The following LRP1B variants were observed in gnomAD, a reference collection of about 807,000 sequenced individuals.
LRP1B encodes low-density lipoprotein receptor-related protein 1B.
In LRP1B, 217 loss-of-function variants were observed where a neutral mutation model predicts 556.6. The ratio of observed to expected loss-of-function variants is 0.39; its 90% CI spans 0.35 to 0.44. The LOEUF (loss-of-function observed/expected upper bound fraction) is 0.44, where lower values mean the gene tolerates loss of function less well. Among genes scored for constraint, LRP1B ranks in the 20% least tolerant of loss-of-function variants. The pLI is 1.00. For synonymous variants in LRP1B, 2,047 were observed against 1,865.8 expected, an observed-to-expected ratio of 1.10 and a Z score of -2.50; for missense variants, 5,053 against 5,620.8, an observed-to-expected ratio of 0.90 and a Z score of 3.23.
chr2:141,976,355 C>A (rs924424774), intron 1 of LRP1B, among the ~76,000 whole-genome samples: 2 of 152,074 alleles, frequency 1.3e-5, no homozygotes, highest in Non-Finnish European at 2.9e-5. Flanking sequence ...TTCTTTATTG[C>A]AGTTTTGCTT....
At chr2:140,237,156 C>T (rs1680745719) in intron 89 of LRP1B, among the ~76,000 whole-genome samples, 1 of 150,876 alleles carries the variant, frequency 6.6e-6, no homozygotes, top group Non-Finnish European at 1.5e-5. Flanking sequence ...CATTGAACAA[C>T]ACCTATTTTC....
At chr2:141,995,070 T>C (rs1378876560) in intron 1 of LRP1B, among the ~76,000 whole-genome samples, 2 of 152,246 alleles carry the variant, frequency 1.3e-5, no homozygotes, top group African/African-American at 4.8e-5. Context: ...GGGAGGAACA[T>C]AATGAAAATA....
intron 1 of LRP1B, among the ~76,000 whole-genome samples, chr2:141,829,405 A>C (rs1225943576): frequency 1.3e-5 from 2 of 152,156 alleles, no homozygotes; most frequent in Admixed American, 6.5e-5. Flanking sequence ...TTTTCCAAAA[A>C]AAAATTCTGC....
chr2:140,510,869 A>G (rs950105811), intron 51 of LRP1B, among the ~76,000 whole-genome samples: 1 of 152,098 alleles, frequency 6.6e-6, no homozygotes, highest in African/African-American at 2.4e-5. Flanking sequence ...GGGTAGCCAT[A>G]TGTCAAATGG....
intron 7 of LRP1B, among the ~76,000 whole-genome samples, chr2:141,089,643 A>T (rs887739740): frequency 6.6e-6 from 1 of 152,162 alleles, no homozygotes; most frequent in Non-Finnish European, 1.5e-5. Context: ...CCCACTGGGG[A>T]AACTTTAGGA....
intron 3 of LRP1B, among the ~76,000 whole-genome samples, chr2:141,350,224 C>A (rs965170742): frequency 6.6e-6 from 1 of 151,998 alleles, no homozygotes; most frequent in East Asian, 1.9e-4. Flanking sequence ...ACCATATCAG[C>A]TGTGTAAAGA....
Position 140,503,009 on chromosome 2 carries a change from A to G in LRP1B, c.8616T>C (p.Pro2872=). The G allele has an allele frequency of 6.2e-7, 1 of 1,613,406 alleles. No homozygotes were observed. The highest frequency in any genetic ancestry group is 8.5e-7 in the Non-Finnish European group (1 of 1,179,412). Residue 2872 remains proline (P), a synonymous_variant, in exon 54 of 91, where the codon CCT becomes CCC. Coordinates refer to ENST00000389484, the MANE Select transcript of LRP1B (RefSeq NM_018557.3). ...TTAAAGGTGCTTCATCAGAATGGTC[A>G]GGACAGTCAAAGTCTCCATCACACT... ...QWQCDGDFDC[P]DHSDEAPLNP...
intron 3 of LRP1B, among the ~76,000 whole-genome samples, chr2:141,266,323 CAAAAAAAAAAA>C (rs34877238): frequency 1.4e-5 from 1 of 73,284 alleles, no homozygotes; most frequent in African/African-American, 5.7e-5. Flanking sequence ...GACTCTGTTT[CAAAAAAAAAAA>C]AAAAAAAAAG....
At chr2:140,364,633 T>C in intron 72 of LRP1B, 28 bp downstream of exon 72, 1 of 1,604,720 alleles carries the variant, frequency 6.2e-7, no homozygotes, top group East Asian at 2.2e-5. Flanking sequence ...GATAAAAGTA[T>C]AATCTAGAGC....
chr2:141,983,971 G>C (rs1178878071), intron 1 of LRP1B, among the ~76,000 whole-genome samples: 1 of 152,146 alleles, frequency 6.6e-6, no homozygotes, highest in Non-Finnish European at 1.5e-5. Context: ...TGAGGCAGGA[G>C]AATCGCTTGA....
chr2:142,016,053 A>G (rs1703119968), intron 1 of LRP1B, among the ~76,000 whole-genome samples: 1 of 151,632 alleles, frequency 6.6e-6, no homozygotes, highest in African/African-American at 2.4e-5. Context: ...AAAAGAAGAC[A>G]TTTATGTGGC....
intron 41 of LRP1B, among the ~76,000 whole-genome samples, chr2:140,655,047 T>TATATATATATATAC (rs1684829954): frequency 6.6e-6 from 1 of 151,884 alleles, no homozygotes; most frequent in African/African-American, 2.4e-5. Context: ...TATATATATA[T>TATATATATATATAC]CTCCTAGCTC....
intron 2 of LRP1B, among the ~76,000 whole-genome samples, chr2:141,764,290 C>T (rs2105601365): frequency 6.6e-6 from 1 of 152,212 alleles, no homozygotes; most frequent in East Asian, 1.9e-4. Flanking sequence ...ACGCCATTCT[C>T]CTGCCTCAGC....
intron 1 of LRP1B, among the ~76,000 whole-genome samples, chr2:142,016,598 T>C (rs1361965305): frequency 1.3e-5 from 2 of 151,564 alleles, no homozygotes; most frequent in Non-Finnish European, 2.9e-5. Context: ...AAACACCACA[T>C]GTTCTCACTC....
chr2:140,644,901 T>C (rs1343271223), intron 41 of LRP1B, among the ~76,000 whole-genome samples: 1 of 152,170 alleles, frequency 6.6e-6, no homozygotes, highest in East Asian at 1.9e-4. Flanking sequence ...ATATATTATT[T>C]TTTCTAATCT....
intron 11 of LRP1B, among the ~76,000 whole-genome samples, chr2:141,031,982 T>A (rs1698386542): frequency 6.6e-6 from 1 of 152,062 alleles, no homozygotes; most frequent in African/African-American, 2.4e-5. Context: ...TTATTTTCTT[T>A]GTAATTCTTA....
At chr2:140,544,949 C>A (rs527563599) in intron 43 of LRP1B, among the ~76,000 whole-genome samples, 17 of 152,082 alleles carry the variant, frequency 1.1e-4, no homozygotes, top group Admixed American at 9.2e-4. Flanking sequence ...ACAACCTTGG[C>A]AGCATCTGTT....
intron 18 of LRP1B, among the ~76,000 whole-genome samples, chr2:140,968,111 G>A (rs1237005678): frequency 6.6e-6 from 1 of 150,810 alleles, no homozygotes; most frequent in Non-Finnish European, 1.5e-5. Context: ...AATGGTACCA[G>A]CTCCTCCTTG....
At chr2:140,909,416 A>T (rs963061363) in intron 21 of LRP1B, among the ~76,000 whole-genome samples, 5 of 151,952 alleles carry the variant, frequency 3.3e-5, no homozygotes, top group Admixed American at 6.6e-5. Context: ...TTTTATTTAT[A>T]AAAATATATC....
Sources: gnomAD v4.1 joint callset for allele counts (sites outside exome capture counted in the v4.1 genomes callset) on GRCh38, gnomAD v4.1.1 for gene constraint, MANE v1.5 for transcripts, NCBI Gene and HGNC (gene_info 2026-07-23, HGNC 2026-07-21) for gene names.